SHTN1: variants seen among roughly 807,000 people sequenced by gnomAD.
SHTN1 encodes shootin-1.
In SHTN1, 42 loss-of-function variants were observed where a neutral mutation model predicts 83.1. The ratio of observed to expected loss-of-function variants is 0.51; its 90% CI spans 0.39 to 0.65. SHTN1 has a LOEUF of 0.65. SHTN1 is among the 30% of genes least tolerant of loss of function. SHTN1 has a pLI of 0.00. For missense variants in SHTN1, 622 were observed against 737.8 expected (o/e 0.84, Z 1.82); for synonymous variants, 224 against 247.7 (o/e 0.90, Z 0.90).
chr10:117,076,026 T>TA (rs1248723800), intron 1 of SHTN1, among the ~76,000 whole-genome samples: 1 of 151,428 alleles, frequency 6.6e-6, no homozygotes, highest in African/African-American at 2.4e-5. Flanking sequence ...CTACTAAAAA[T>TA]AAAAAAATTA....
chr10:116,948,673 G>A (rs889900199), intron 7 of SHTN1, among the ~76,000 whole-genome samples: 6 of 152,198 alleles, frequency 3.9e-5, no homozygotes, highest in Admixed American at 1.3e-4. Context: ...ATAGTATTTC[G>A]GTTTGAAGTT....
At chr10:117,098,484 T>C (rs1377959494) in intron 1 of SHTN1, among the ~76,000 whole-genome samples, 1 of 151,900 alleles carries the variant, frequency 6.6e-6, no homozygotes, top group Non-Finnish European at 1.5e-5. Flanking sequence ...GATGAAATTA[T>C]TATATGTAAT....
chr10:117,090,224 C>T (rs1853409510), intron 1 of SHTN1, among the ~76,000 whole-genome samples: 1 of 152,092 alleles, frequency 6.6e-6, no homozygotes, highest in Non-Finnish European at 1.5e-5. Flanking sequence ...AATTATTCAT[C>T]CTTAAAAAGA....
intron 2 of SHTN1, among the ~76,000 whole-genome samples, chr10:117,035,092 T>C (rs897745499): frequency 3.9e-5 from 6 of 152,172 alleles, no homozygotes; most frequent in African/African-American, 1.2e-4. Flanking sequence ...TATGGGGCTA[T>C]AGTAACCAAA....
chr10:117,057,233 TA>T (rs1372656904), intron 1 of SHTN1, among the ~76,000 whole-genome samples: 3 of 152,148 alleles, frequency 2.0e-5, no homozygotes, highest in African/African-American at 7.2e-5. Context: ...GAGGAAGACT[TA>T]AACAGTAAAT....
chr10:117,024,198 A>G (rs888055663), intron 2 of SHTN1, among the ~76,000 whole-genome samples: 2 of 152,138 alleles, frequency 1.3e-5, no homozygotes, highest in Non-Finnish European at 2.9e-5. Context: ...ACTAACCTAT[A>G]GTAAAAGCAT....
chr10:117,037,775 A>G (rs1316354642), intron 2 of SHTN1, among the ~76,000 whole-genome samples: 1 of 152,142 alleles, frequency 6.6e-6, no homozygotes, highest in Non-Finnish European at 1.5e-5. Context: ...TGGGAGGCCA[A>G]GACGGGTGGA....
chr10:116,921,593 T>C (rs1267779007), intron 11 of SHTN1, 77 bp from the exon 12 acceptor site: 1 of 981,390 alleles, frequency 1.0e-6, no homozygotes, highest in Non-Finnish European at 1.6e-6. Context: ...ATCTCACTCT[T>C]TGATAGGTGC....
At chr10:117,040,057 G>C (rs1336424862) in intron 2 of SHTN1, among the ~76,000 whole-genome samples, 2 of 151,770 alleles carry the variant, frequency 1.3e-5, no homozygotes, top group Non-Finnish European at 2.9e-5. Flanking sequence ...GAAATAGAGA[G>C]CTGTACAATA....
At position 116,881,595 on chromosome 10, in the gene SHTN1, A is replaced by AG; in HGVS notation, c.*4748dup. The AG allele has an allele frequency of 6.4e-7, 1 of 1,550,416 alleles. No individual in the cohort carries two copies. Among genetic ancestry groups the AG allele is most frequent in the Non-Finnish European group, 8.7e-7 (1 of 1,146,896 alleles). On this transcript the variant is annotated 3_prime_UTR_variant, in exon 17 of 17. Coordinates refer to ENST00000355371, the MANE Select transcript of SHTN1 (RefSeq NM_001127211.3). ...GGAGGCACTTGAGGCTGCTGCGGCT[A>AG]GGGAGCCGCTGGTGCCCACCTTCCC...
chr10:116,986,572 G>C (rs1319798921), intron 1 of SHTN1, among the ~76,000 whole-genome samples: 1 of 151,962 alleles, frequency 6.6e-6, no homozygotes, highest in African/African-American at 2.4e-5. Context: ...CTACTACTCT[G>C]GCAGGTGGCA....
chr10:117,003,797 G>A (rs1424255027), intron 1 of SHTN1, among the ~76,000 whole-genome samples: 4 of 152,140 alleles, frequency 2.6e-5, no homozygotes, highest in Admixed American at 1.3e-4. Context: ...CCATTACATG[G>A]TCTTGTCAGC....
intron 8 of SHTN1, among the ~76,000 whole-genome samples, chr10:116,942,627 C>T (rs1387832435): frequency 6.6e-6 from 1 of 152,026 alleles, no homozygotes; most frequent in Non-Finnish European, 1.5e-5. Flanking sequence ...AATGAACTAG[C>T]GGGAGTTAAG....
intron 1 of SHTN1, among the ~76,000 whole-genome samples, chr10:117,070,191 G>C (rs1361016307): frequency 2.0e-5 from 3 of 151,844 alleles, no homozygotes; most frequent in African/African-American, 7.2e-5. Context: ...TATTAAGCAT[G>C]TTAGTCAAAT....
intron 10 of SHTN1, 26 bp from the exon 11 acceptor site, chr10:116,927,917 G>A (rs749207349): frequency 1.9e-6 from 3 of 1,611,152 alleles, no homozygotes; most frequent in African/African-American, 2.7e-5. Flanking sequence ...ACATTCAGAA[G>A]AGAGCTGAAA....
At chr10:117,123,242 T>A (rs1298915053) in intron 1 of SHTN1, among the ~76,000 whole-genome samples, 1 of 152,168 alleles carries the variant, frequency 6.6e-6, no homozygotes, top group African/African-American at 2.4e-5. Context: ...CCTCAGGTGA[T>A]CTGCCTGCCT....
chr10:117,043,165 G>C (rs914644334), intron 2 of SHTN1, among the ~76,000 whole-genome samples: 1 of 148,678 alleles, frequency 6.7e-6, no homozygotes, highest in East Asian at 2.0e-4. Context: ...ATGGAGTCTC[G>C]CTCTGTCGCC....
At chr10:117,094,966 C>T (rs1221589142) in intron 1 of SHTN1, among the ~76,000 whole-genome samples, 2 of 152,212 alleles carry the variant, frequency 1.3e-5, no homozygotes, top group Admixed American at 6.5e-5. Flanking sequence ...ACATCGGAGA[C>T]AATTAGACAG....
intron 1 of SHTN1, among the ~76,000 whole-genome samples, chr10:117,121,451 C>T (rs1437019807): frequency 4.6e-5 from 7 of 152,092 alleles, no homozygotes; most frequent in East Asian, 3.9e-4. Flanking sequence ...TGGTGGCACA[C>T]GCCTGTAATC....
Sources: allele counts gnomAD v4.1 joint callset (sites outside exome capture counted in the v4.1 genomes callset), GRCh38; gene constraint gnomAD v4.1.1; transcripts MANE v1.5; gene names NCBI Gene and HGNC (gene_info 2026-07-23, HGNC 2026-07-21).